Variants in DLGAP2 observed in about 807,000 individuals in gnomAD.
DLGAP2 encodes the protein DLG associated protein 2, also known as disks large-associated protein 2.
A neutral mutation model predicts 100.3 loss-of-function variants in DLGAP2; 26 were observed. The ratio of observed to expected loss-of-function variants is 0.26; its 90% CI spans 0.19 to 0.36. DLGAP2 has a LOEUF of 0.36. DLGAP2 is among the 10% of genes least tolerant of loss of function. The probability of loss-of-function intolerance (pLI) is 1.00; values close to 1 mark genes in which losing one functional copy is unlikely to be tolerated. For missense variants in DLGAP2, 1,858 were observed against 1,453.2 expected (o/e 1.28, Z -4.53); for synonymous variants, 886 against 630.1 (o/e 1.41, Z -6.08).
intron 3 of DLGAP2, among the ~76,000 whole-genome samples, chr8:1,479,571 G>A (rs1211110040): frequency 2.6e-5 from 4 of 152,312 alleles, no homozygotes; most frequent in Non-Finnish European, 5.9e-5. Flanking sequence ...GGAAGGCTGT[G>A]CGTTTCATTT....
intron 2 of DLGAP2, among the ~76,000 whole-genome samples, chr8:943,812 A>G (rs1365866040): frequency 6.6e-6 from 1 of 152,272 alleles, no homozygotes; most frequent in Non-Finnish European, 1.5e-5. Flanking sequence ...TATTTAGTGA[A>G]ACATTATGGA....
intron 8 of DLGAP2, among the ~76,000 whole-genome samples, chr8:1,636,235 A>T (rs2130785898): frequency 6.6e-6 from 1 of 152,322 alleles, no homozygotes; most frequent in African/African-American, 2.4e-5. Flanking sequence ...ATGGTGTAAA[A>T]TTAGATTATA....
intron 2 of DLGAP2, among the ~76,000 whole-genome samples, chr8:919,282 A>T (rs1365921965): frequency 1.3e-5 from 2 of 152,190 alleles, no homozygotes; most frequent in African/African-American, 2.4e-5. Context: ...GTCCTGTCCT[A>T]GGTGCCCTCA....
intron 2 of DLGAP2, among the ~76,000 whole-genome samples, chr8:1,183,808 C>A (rs185398780): frequency 1.3e-5 from 2 of 152,170 alleles, no homozygotes; most frequent in Non-Finnish European, 1.5e-5. Context: ...TACGGAACAC[C>A]CTTTGCAAGC....
intron 13 of DLGAP2, among the ~76,000 whole-genome samples, chr8:1,693,946 G>T (rs766261284): frequency 6.6e-6 from 1 of 152,138 alleles, no homozygotes; most frequent in East Asian, 1.9e-4. Context: ...GACGAACTCT[G>T]TGTAACATTA....
At chr8:853,175 G>A (rs1045500104) in intron 1 of DLGAP2, among the ~76,000 whole-genome samples, 1 of 152,164 alleles carries the variant, frequency 6.6e-6, no homozygotes, top group South Asian at 2.1e-4. Flanking sequence ...CCCAGGGCTC[G>A]GCACAGCTGC....
chr8:950,950 C>G (rs369401211), intron 2 of DLGAP2, among the ~76,000 whole-genome samples: 1 of 151,932 alleles, frequency 6.6e-6, no homozygotes, highest in African/African-American at 2.4e-5. Flanking sequence ...ATTAAAAGAT[C>G]GAGTGAAGCC....
intron 5 of DLGAP2, among the ~76,000 whole-genome samples, chr8:1,556,679 G>A (rs985318056): frequency 6.6e-6 from 1 of 152,222 alleles, no homozygotes; most frequent in Non-Finnish European, 1.5e-5. Context: ...CTGTCTTGGT[G>A]TTAAGGAGTG....
chr8:1,505,056 T>C (rs904872883), intron 4 of DLGAP2, among the ~76,000 whole-genome samples: 1 of 152,202 alleles, frequency 6.6e-6, no homozygotes, highest in Non-Finnish European at 1.5e-5. Context: ...CTGAGTTATG[T>C]TCCCAACACT....
intron 2 of DLGAP2, among the ~76,000 whole-genome samples, chr8:1,172,332 C>G (rs1585120493): frequency 6.6e-6 from 1 of 151,960 alleles, no homozygotes; most frequent in South Asian, 2.1e-4. Context: ...TCCTTCATTT[C>G]CACTTTGGTG....
At chr8:798,179 G>T (rs1796073048) in intron 1 of DLGAP2, among the ~76,000 whole-genome samples, 1 of 152,260 alleles carries the variant, frequency 6.6e-6, no homozygotes, top group Non-Finnish European at 1.5e-5. Context: ...TCCCCGTGGT[G>T]CTCAGGACCT....
rs181893962 is a variant in DLGAP2, at chr8:1,646,736, G to A, written c.1810+13690G>A. On this transcript the variant is annotated intron_variant, in intron 8 of 14. Coordinates refer to ENST00000637795, the MANE Select transcript of DLGAP2 (RefSeq NM_001346810.2). ...AGGTGTCAGAGGCACAGTCTCTGCT[G>A]ACAGGTCGAGGCTGGCACTGCTGGG... Among the ~76,000 whole-genome samples the A allele has an allele frequency of 2.2e-4, 34 of 152,320 alleles. No individual in the cohort carries two copies. The East Asian group carries it at 6.6e-3, about 29-fold the overall frequency.
At chr8:1,688,452 C>T (rs977444872) in intron 12 of DLGAP2, 5 of 152,144 alleles carry the variant, frequency 3.3e-5, no homozygotes, top group African/African-American at 1.2e-4. Flanking sequence ...ACCCTAGAAG[C>T]AATGGAGAAT....
At chr8:1,613,230 A>G (rs1275453186) in intron 6 of DLGAP2, among the ~76,000 whole-genome samples, 4 of 144,028 alleles carry the variant, frequency 2.8e-5, no homozygotes, top group African/African-American at 7.9e-5. Context: ...TGATGAGTTC[A>G]TGTCCTTTGT....
At chr8:1,477,533 C>T (rs1798969462) in intron 3 of DLGAP2, among the ~76,000 whole-genome samples, 1 of 152,202 alleles carries the variant, frequency 6.6e-6, no homozygotes. Flanking sequence ...CGCAGCTGCA[C>T]AGCCTGAGAG....
chr8:1,155,345 A>G (rs1488764326), intron 2 of DLGAP2, among the ~76,000 whole-genome samples: 2 of 152,012 alleles, frequency 1.3e-5, no homozygotes, highest in African/African-American at 4.8e-5. Context: ...GCTTCCTGCG[A>G]GGGGCATCCG....
At chr8:1,164,486 G>T (rs1260803099) in intron 2 of DLGAP2, among the ~76,000 whole-genome samples, 3 of 152,080 alleles carry the variant, frequency 2.0e-5, no homozygotes, top group Non-Finnish European at 2.9e-5. Context: ...CGTCCTGTTG[G>T]GGGAGTTAAC....
intron 1 of DLGAP2, among the ~76,000 whole-genome samples, chr8:790,741 A>AT (rs888017282): frequency 3.0e-4 from 46 of 151,914 alleles, no homozygotes; most frequent in African/African-American, 1.0e-3. Context: ...ATGTGAAAAG[A>AT]TTTTTTTTGT....
At chr8:908,404 G>A (rs1374182348) in intron 2 of DLGAP2, among the ~76,000 whole-genome samples, 2 of 152,192 alleles carry the variant, frequency 1.3e-5, no homozygotes, top group Non-Finnish European at 2.9e-5. Context: ...TCGGCTAGAT[G>A]TTATGTTCTG....
Sources: allele counts gnomAD v4.1 joint callset (sites outside exome capture counted in the v4.1 genomes callset), GRCh38; gene constraint gnomAD v4.1.1; transcripts MANE v1.5; gene names NCBI Gene and HGNC (gene_info 2026-07-23, HGNC 2026-07-21).